Variants in TBC1D8 observed in about 807,000 individuals in gnomAD.
TBC1D8 encodes the protein BUB2-like protein 1.
A neutral mutation model predicts 118.8 loss-of-function variants in TBC1D8; 65 were observed. The observed-to-expected ratio is 0.55, with a 90% confidence interval of 0.45 to 0.67. The LOEUF (loss-of-function observed/expected upper bound fraction) is 0.67, where lower values mean the gene tolerates loss of function less well. Among genes scored for constraint, TBC1D8 ranks in the 30% least tolerant of loss-of-function variants. TBC1D8 has a pLI of 0.00. For missense variants in TBC1D8, 1,376 were observed against 1,471.2 expected (o/e 0.94, Z 1.06); for synonymous variants, 566 against 595.8 (o/e 0.95, Z 0.73).
intron 5 of TBC1D8, among the ~76,000 whole-genome samples, chr2:101,042,491 C>G (rs1422008239): frequency 6.6e-6 from 1 of 152,118 alleles, no homozygotes; most frequent in East Asian, 1.9e-4. Flanking sequence ...TTGATTGCTA[C>G]AAAATGGGAA....
At chr2:101,056,889 G>T (rs1682470647) in intron 3 of TBC1D8, among the ~76,000 whole-genome samples, 1 of 152,172 alleles carries the variant, frequency 6.6e-6, no homozygotes, top group Non-Finnish European at 1.5e-5. Context: ...GTCATCAAAG[G>T]TTCAGGATAT....
intron 1 of TBC1D8, among the ~76,000 whole-genome samples, chr2:101,129,255 C>T (rs1013555387): frequency 1.3e-5 from 2 of 152,076 alleles, no homozygotes; most frequent in African/African-American, 4.8e-5. Flanking sequence ...ATTCTCATGC[C>T]TCAGCCTCCC....
chr2:101,074,512 A>G (rs986147803), intron 2 of TBC1D8, among the ~76,000 whole-genome samples: 2 of 152,246 alleles, frequency 1.3e-5, no homozygotes, highest in African/African-American at 4.8e-5. Flanking sequence ...AATTTGAAAA[A>G]CATGCAGTAT....
intron 10 of TBC1D8, chr2:101,033,300 A>G: frequency 1.8e-6 from 1 of 554,254 alleles, no homozygotes; most frequent in Non-Finnish European, 3.3e-6. Flanking sequence ...TATTTTTAGT[A>G]GATGGGGTTT....
At chr2:101,008,947 A>G (rs1678961634) in intron 19 of TBC1D8, among the ~76,000 whole-genome samples, 1 of 152,266 alleles carries the variant, frequency 6.6e-6, no homozygotes, top group South Asian at 2.1e-4. Context: ...TGGGAAGGCC[A>G]TGCAGGACCT....
At chr2:101,120,930 T>C (rs1574062860) in intron 1 of TBC1D8, among the ~76,000 whole-genome samples, 1 of 152,350 alleles carries the variant, frequency 6.6e-6, no homozygotes, top group East Asian at 1.9e-4. Context: ...AGCTGATCCC[T>C]ACACTACAGC....
intron 1 of TBC1D8, among the ~76,000 whole-genome samples, chr2:101,150,712 C>A (rs1425513942): frequency 6.6e-6 from 1 of 152,184 alleles, no homozygotes; most frequent in Non-Finnish European, 1.5e-5. Flanking sequence ...CTGGAGCCTC[C>A]GGCGCCTCCA....
chr2:101,118,485 A>G (rs547216071), intron 1 of TBC1D8, among the ~76,000 whole-genome samples: 5 of 148,930 alleles, frequency 3.4e-5, no homozygotes, highest in East Asian at 4.1e-4. Flanking sequence ...TCACAAGGTC[A>G]GGAGATCGAG....
intron 5 of TBC1D8, among the ~76,000 whole-genome samples, chr2:101,047,682 AG>A (rs1004442578): frequency 2.6e-5 from 4 of 152,166 alleles, no homozygotes; most frequent in African/African-American, 9.7e-5. Context: ...GCCCCATCAC[AG>A]GGCCAGCCCC....
intron 1 of TBC1D8, among the ~76,000 whole-genome samples, chr2:101,130,738 G>A (rs1207461463): frequency 6.6e-6 from 1 of 152,208 alleles, no homozygotes; most frequent in Non-Finnish European, 1.5e-5. Flanking sequence ...CAAGCTCCAT[G>A]AGGATAGGAT....
At position 101,033,563 on chromosome 2, in the gene TBC1D8, G is replaced by T. The variant is rs1284010942; in HGVS notation, c.1799C>A (p.Pro600His). The change falls in exon 10 of 20, where the codon CCC becomes CAC. Residue 600 changes from proline (P) to histidine (H), a missense_variant. Transcript: ENST00000409318. ...TTTCACCTGGCAGTATCCAATCTTG[G>T]GGTTCCGGTGGGCATAGGCCGTCAA... ...RVLTAYAHRN[P>H]KIGYCQSMNI... is the part of the protein sequence containing the mutation. 4 of 1,613,888 alleles carry T rather than the reference G, an allele frequency of 2.5e-6. No individual in the cohort carries two copies. Among genetic ancestry groups the T allele is most frequent in the Non-Finnish European group, 2.5e-6 (3 of 1,179,866 alleles).
At chr2:101,126,190 G>A (rs761031820) in intron 1 of TBC1D8, among the ~76,000 whole-genome samples, 6 of 152,074 alleles carry the variant, frequency 3.9e-5, no homozygotes, top group Non-Finnish European at 5.9e-5. Flanking sequence ...AGAGGAGATG[G>A]TGCCAGGCTC....
At chr2:101,093,736 G>C (rs2105460685) in intron 1 of TBC1D8, among the ~76,000 whole-genome samples, 1 of 152,090 alleles carries the variant, frequency 6.6e-6, no homozygotes, top group African/African-American at 2.4e-5. Flanking sequence ...AAGAGATGGA[G>C]GGTCACTCTA....
At chr2:101,136,112 C>T (rs916837952) in intron 1 of TBC1D8, among the ~76,000 whole-genome samples, 1 of 152,086 alleles carries the variant, frequency 6.6e-6, no homozygotes. Context: ...CCTCTGCCTC[C>T]CAAAGTGCTG....
intron 2 of TBC1D8, among the ~76,000 whole-genome samples, chr2:101,075,821 T>C (rs533138837): frequency 1.3e-5 from 2 of 152,308 alleles, no homozygotes; most frequent in Non-Finnish European, 2.9e-5. Flanking sequence ...GGGCAGAAGA[T>C]GGTTCAATCT....
intron 17 of TBC1D8, 31 bp from the exon 18 acceptor site, chr2:101,011,571 C>T: frequency 6.2e-7 from 1 of 1,610,950 alleles, no homozygotes; most frequent in South Asian, 1.1e-5. Context: ...TTAAATTAAA[C>T]AAATTTTCTG....
chr2:101,098,797 A>C lies in TBC1D8; in HGVS notation c.128-8433T>G, dbSNP rs780464006. Among the ~76,000 whole-genome samples the C allele has an allele frequency of 3.9e-5, 6 of 152,180 alleles. No homozygotes were observed. The South Asian group carries it at 1.0e-3, about 26-fold the overall frequency. On this transcript the variant is annotated intron_variant, in intron 1 of 19. Coordinates refer to ENST00000409318, the MANE Select transcript of TBC1D8 (RefSeq NM_001330348.2). ...AAATTATGAAATTACAGCAGAAATC[A>C]AGTTCTTTGAAACCAATGAGAACAA...
Position 101,033,740 on chromosome 2 carries a change from G to T in TBC1D8, c.1622C>A (p.Ala541Asp). ...LLFSDAVTDL[A>D]SHPGYYGNLV... ...ATTCCCGTAGTAACCAGGGTGTGAG[G>T]CAAGATCCGTCACCGCATCTGAGTT... The change falls in exon 10 of 20, where the codon GCC becomes GAC. Residue 541 changes from alanine (A) to aspartate (D), a missense_variant. By Grantham distance (126) the Ala-to-Asp change is moderately radical. Coordinates refer to ENST00000409318, the MANE Select transcript of TBC1D8 (RefSeq NM_001330348.2). 6.2e-7 allele frequency: 1 copy of T among 1,613,072 alleles called. No homozygotes were observed. The highest frequency in any genetic ancestry group is 8.5e-7 in the Non-Finnish European group (1 of 1,179,146).
Position 101,022,539 on chromosome 2 carries a change from A to G in TBC1D8, c.2521-18T>C, listed in dbSNP as rs760224121. 203 of 1,585,052 alleles carry G rather than the reference A, an allele frequency of 1.3e-4. No individual in the cohort carries two copies. The highest frequency in any genetic ancestry group is 1.7e-4 in the Non-Finnish European group (194 of 1,173,314). On this transcript the variant is annotated intron_variant, in intron 15 of 19. Transcript: ENST00000409318. ...TGTTCTCTCTTCAAACAAGAGGGGG[A>G]AAGGGAGTTCTTACCACTTATTGAA...
Sources: allele counts gnomAD v4.1 joint callset (sites outside exome capture counted in the v4.1 genomes callset), GRCh38; gene constraint gnomAD v4.1.1; transcripts MANE v1.5; gene names NCBI Gene and HGNC (gene_info 2026-07-23, HGNC 2026-07-21).